Variants in RFK observed in about 807,000 individuals in gnomAD.
RFK encodes the protein riboflavin kinase, also known as 0610038L10Rik.
Under a neutral mutation model 17.6 loss-of-function variants are expected in RFK, and 4 were observed. That is an observed-to-expected ratio of 0.23 (90% CI 0.11 to 0.52). The LOEUF (loss-of-function observed/expected upper bound fraction) is 0.52. RFK is among the 20% of genes least tolerant of loss of function. RFK has a pLI of 0.96. For synonymous variants in RFK, 59 were observed against 63.8 expected, an observed-to-expected ratio of 0.92 and a Z score of 0.36; for missense variants, 189 against 187.7, an observed-to-expected ratio of 1.01 and a Z score of -0.04.
intron 3 of RFK, 113 bp from the exon 4 acceptor site, chr9:76,387,642 G>T: frequency 1.1e-6 from 1 of 921,814 alleles, no homozygotes; most frequent in Non-Finnish European, 1.6e-6. Flanking sequence ...CTCTGCACAG[G>T]GTAGATACCC....
chr9:76,393,796 G>A (rs755249646), intron 1 of RFK: 6 of 471,472 alleles, frequency 1.3e-5, no homozygotes, highest in Admixed American at 7.7e-5. Flanking sequence ...TTGACCAACT[G>A]TACCTTGGCT....
intron 2 of RFK, among the ~76,000 whole-genome samples, chr9:76,389,647 G>C (rs969146276): frequency 1.3e-5 from 2 of 152,106 alleles, no homozygotes; most frequent in African/African-American, 4.8e-5. Flanking sequence ...TATAGTCCCA[G>C]CTACTCAGGA....
In RFK at chr9:76,394,265, G is replaced by A. The variant is rs1049965220; in HGVS notation, c.-94C>T. 5.4e-6 allele frequency: 7 copies of A among 1,306,736 alleles called. No individual in the cohort carries two copies. Among genetic ancestry groups the A allele is most frequent in the African/African-American group, 1.5e-5 (1 of 65,082 alleles). The allele number at this position is 1,306,736 out of a possible 1,614,324, so 80.9% of individuals were successfully genotyped here. On this transcript the variant is annotated 5_prime_UTR_variant, in exon 1 of 4. Coordinates refer to ENST00000376736, the MANE Select transcript of RFK (RefSeq NM_018339.6). ...CGCCCAGACCCCGGACCAGCCGGGGGACAGGAGCGTGAGCTCTGCCTGCCG... is the reference window on the plus strand; with the variant it reads ...CGCCCAGACCCCGGACCAGCCGGGGAACAGGAGCGTGAGCTCTGCCTGCCG...
chr9:76,387,672 A>C, intron 3 of RFK, 143 bp from the exon 4 acceptor site: 1 of 715,896 alleles, frequency 1.4e-6, no homozygotes, highest in South Asian at 2.0e-5. Flanking sequence ...TTGTTCCATC[A>C]CTCCTTCCAG....
chr9:76,391,482 T>C (rs1319162793), intron 2 of RFK, among the ~76,000 whole-genome samples: 2 of 152,176 alleles, frequency 1.3e-5, no homozygotes, highest in South Asian at 4.1e-4. Context: ...CCATCCACCA[T>C]CCATGTAGTA....
Position 76,387,122 on chromosome 9 carries a change from T to C in RFK, c.*277A>G. 1 of 237,930 alleles carries C rather than the reference T, an allele frequency of 4.2e-6. No homozygotes were observed. Among genetic ancestry groups the C allele is most frequent in the Non-Finnish European group, 8.2e-6 (1 of 121,854 alleles). The allele number at this position is 237,930 out of a possible 1,614,324, so 14.7% of individuals were successfully genotyped here. A position where few individuals can be genotyped will look rare whatever the true frequency, so the allele number is the denominator to read the frequency against. ...ATCTCAAACTAGTGACTTGCCTTTT[T>C]ACCCATACTTATACACATGTAATAC... On this transcript the variant is annotated 3_prime_UTR_variant, in exon 4 of 4. Transcript: ENST00000376736.
At chr9:76,389,779 T>A (rs926046981) in intron 2 of RFK, among the ~76,000 whole-genome samples, 2 of 151,788 alleles carry the variant, frequency 1.3e-5, no homozygotes, top group Non-Finnish European at 2.9e-5. Context: ...CAAAAAAAAA[T>A]TTAAAAATAA....
chr9:76,387,187 A>T lies in RFK; in HGVS notation c.*212T>A. The T allele has an allele frequency of 2.3e-6, 1 of 427,080 alleles. No individual in the cohort carries two copies. The highest frequency in any genetic ancestry group is 2.0e-5 in the African/African-American group (1 of 50,804). 26.5% of individuals were successfully genotyped at this position (427,080 alleles called of 1,614,324 possible). On this transcript the variant is annotated 3_prime_UTR_variant, in exon 4 of 4. Coordinates refer to ENST00000376736, the MANE Select transcript of RFK (RefSeq NM_018339.6). Reference sequence around the variant, plus strand: ...ATTTTAATCAATATATATTTTTTAAATCTTATTTTTAACTCAATCTTTTTA... The same window carrying T: ...ATTTTAATCAATATATATTTTTTAATTCTTATTTTTAACTCAATCTTTTTA...
Position 76,387,435 on chromosome 9 carries a change from G to C in RFK, c.432C>G (p.Phe144Leu). 1 of 1,610,552 alleles carries C rather than the reference G, an allele frequency of 6.2e-7. No individual in the cohort carries two copies. Among genetic ancestry groups the C allele is most frequent in the Non-Finnish European group, 8.5e-7 (1 of 1,179,180 alleles). The change falls in exon 4 of 4, where the codon TTC becomes TTG. Residue 144 changes from phenylalanine (F) to leucine (L), a missense_variant. This residue lies in a region of RFK where 95 missense variants were observed against 95.7 expected (regional missense o/e 0.99). Transcript: ENST00000376736. The stretch of plus-strand genomic sequence containing the variant: ...TCATTATTTTGCTTTTAGAAACCTG[G>C]AAGAAATTGTCTTCTTTGATTTTCA... ...EHLKIKEDNF[F>L]QVSKSKIMNG...
At chr9:76,389,784 A>G (rs1436371921) in intron 2 of RFK, among the ~76,000 whole-genome samples, 2 of 152,172 alleles carry the variant, frequency 1.3e-5, no homozygotes, top group African/African-American at 2.4e-5. Flanking sequence ...AAAAATTTAA[A>G]AATAATTTTA....
intron 2 of RFK, among the ~76,000 whole-genome samples, chr9:76,392,194 T>C (rs893700366): frequency 3.9e-5 from 6 of 152,070 alleles, no homozygotes; most frequent in African/African-American, 1.4e-4. Context: ...TTATAAGGCA[T>C]ATAAAAAACA....
At chr9:76,390,507 AT>A (rs1554728119) in intron 2 of RFK, among the ~76,000 whole-genome samples, 1 of 152,022 alleles carries the variant, frequency 6.6e-6, no homozygotes, top group Non-Finnish European at 1.5e-5. Flanking sequence ...CTATAAAAAA[AT>A]TTAAAAATAG....
intron 1 of RFK, 194 bp downstream of exon 1, chr9:76,393,896 G>A (rs1822853751): frequency 1.8e-6 from 1 of 568,308 alleles, no homozygotes; most frequent in African/African-American, 2.0e-5. Context: ...GGAGCTCGGA[G>A]CCAGAAGCAG....
intron 1 of RFK, chr9:76,393,781 A>C (rs1283425626): frequency 4.8e-6 from 2 of 420,734 alleles, no homozygotes; most frequent in Non-Finnish European, 8.5e-6. Context: ...AGACAAGCGC[A>C]ATGCTTGACC....
At chr9:76,394,007 C>G in intron 1 of RFK, 83 bp downstream of exon 1, 1 of 1,363,750 alleles carries the variant, frequency 7.3e-7, no homozygotes, top group South Asian at 1.3e-5. Flanking sequence ...AGGCCCCACG[C>G]CCCGGTCCCA....
rs1822776856 is a variant in RFK, at chr9:76,388,722, TTCA to T, written c.235-69_235-67del. On this transcript the variant is annotated intron_variant, in intron 2 of 3. Transcript: ENST00000376736. ...AGTGTACTGAAATCTGAAATACATC[TTCA>T]TGTTTATGGTGAGTTAATTTAAATG... The T allele has an allele frequency of 2.1e-5, 18 of 859,972 alleles. No homozygotes were observed. The South Asian group carries it at 2.6e-4, about 12-fold the overall frequency. 53.3% of individuals were successfully genotyped at this position (859,972 alleles called of 1,614,324 possible).
chr9:76,392,358 T>C, intron 2 of RFK, 60 bp downstream of exon 2: 1 of 1,546,864 alleles, frequency 6.5e-7, no homozygotes, highest in Non-Finnish European at 8.9e-7. Flanking sequence ...ACGAATACTG[T>C]AATATATTAT....
rs562016145 is a variant in RFK, at chr9:76,386,802, A to G, written c.*597T>C. 10 of 152,326 alleles carry G rather than the reference A, an allele frequency of 6.6e-5. No individual in the cohort carries two copies. The East Asian group carries it at 1.9e-3, about 29-fold the overall frequency. The allele number at this position is 152,326 out of a possible 1,614,324, so 9.4% of individuals were successfully genotyped here. On this transcript the variant is annotated 3_prime_UTR_variant, in exon 4 of 4. Coordinates refer to ENST00000376736, the MANE Select transcript of RFK (RefSeq NM_018339.6). ...TGTATTAATGCACAAAATATCAAAA[A>G]TAGAAAGTCTGAGTTTCTTCCCCGC...
chr9:76,392,358 T>TA, intron 2 of RFK, 60 bp downstream of exon 2: 1 of 1,546,864 alleles, frequency 6.5e-7, no homozygotes, highest in Non-Finnish European at 8.9e-7. Context: ...ACGAATACTG[T>TA]AATATATTAT....
Sources: allele counts gnomAD v4.1 joint callset (sites outside exome capture counted in the v4.1 genomes callset), GRCh38; gene constraint gnomAD v4.1.1; regional missense constraint gnomAD v4.1.1; transcripts MANE v1.5; gene names NCBI Gene and HGNC (gene_info 2026-07-23, HGNC 2026-07-21).